DNM3: variants seen among roughly 807,000 people sequenced by gnomAD.
The protein encoded by DNM3 is dynamin-3.
Under a neutral mutation model 101.6 loss-of-function variants are expected in DNM3, and 47 were observed. That is an observed-to-expected ratio of 0.46 (90% CI 0.37 to 0.59). The LOEUF (loss-of-function observed/expected upper bound fraction) is 0.59, where lower values mean the gene tolerates loss of function less well. Among genes scored for constraint, DNM3 ranks in the 20% least tolerant of loss-of-function variants. The pLI is 0.00. For synonymous variants in DNM3, 385 were observed against 387.9 expected (o/e 0.99, Z 0.09); for missense variants, 849 against 1,085.7 (o/e 0.78, Z 3.06).
At chr1:171,929,294 C>G (rs1350025806) in intron 2 of DNM3, among the ~76,000 whole-genome samples, 1 of 152,064 alleles carries the variant, frequency 6.6e-6, no homozygotes, top group Non-Finnish European at 1.5e-5. Flanking sequence ...GTGGGGATAG[C>G]TAGAGACCCT....
chr1:172,083,591 A>G (rs1572432685), intron 12 of DNM3, among the ~76,000 whole-genome samples: 1 of 152,348 alleles, frequency 6.6e-6, no homozygotes, highest in East Asian at 1.9e-4. Flanking sequence ...TACCACAATT[A>G]GAGGGGGAAA....
chr1:171,930,877 C>T (rs577033766), intron 2 of DNM3, among the ~76,000 whole-genome samples: 1 of 152,202 alleles, frequency 6.6e-6, no homozygotes, highest in South Asian at 2.1e-4. Context: ...AATTGTATTT[C>T]TATACATTTG....
At chr1:172,337,752 G>A (rs2066491441) in intron 17 of DNM3, among the ~76,000 whole-genome samples, 1 of 152,030 alleles carries the variant, frequency 6.6e-6, no homozygotes, top group South Asian at 2.1e-4. Context: ...ATCAGACATA[G>A]CCAAGTTGCT....
intron 14 of DNM3, among the ~76,000 whole-genome samples, chr1:172,146,895 T>G (rs1368386606): frequency 1.3e-5 from 2 of 152,162 alleles, no homozygotes; most frequent in Non-Finnish European, 2.9e-5. Context: ...TACATCTATA[T>G]GCCCTCAAAT....
chr1:171,901,748 G>A (rs969696630), intron 1 of DNM3, among the ~76,000 whole-genome samples: 3 of 152,036 alleles, frequency 2.0e-5, no homozygotes, highest in African/African-American at 7.2e-5. Context: ...TTAAATACTC[G>A]GTATACTATG....
At chr1:172,326,643 TTTTAA>T (rs1291189063) in intron 17 of DNM3, among the ~76,000 whole-genome samples, 2 of 152,120 alleles carry the variant, frequency 1.3e-5, no homozygotes, top group Non-Finnish European at 2.9e-5. Context: ...TTTCATAGAC[TTTTAA>T]TTTAATTTTT....
intron 14 of DNM3, among the ~76,000 whole-genome samples, chr1:172,147,993 C>A (rs1463175289): frequency 6.6e-6 from 1 of 151,866 alleles, no homozygotes; most frequent in African/African-American, 2.4e-5. Flanking sequence ...TATTATCATC[C>A]CCATTTTATT....
chr1:172,226,453 A>G (rs2061125423), intron 14 of DNM3, among the ~76,000 whole-genome samples: 1 of 152,198 alleles, frequency 6.6e-6, no homozygotes, highest in Non-Finnish European at 1.5e-5. Context: ...ATATTGTACT[A>G]GCTCTTTTCT....
intron 17 of DNM3, among the ~76,000 whole-genome samples, chr1:172,361,112 A>G (rs1306360511): frequency 6.6e-6 from 1 of 152,022 alleles, no homozygotes; most frequent in Admixed American, 6.6e-5. Context: ...GGTCTGGCCC[A>G]CTATGGGATT....
intron 20 of DNM3, among the ~76,000 whole-genome samples, chr1:172,403,137 T>C (rs142254077): frequency 6.9e-4 from 105 of 152,260 alleles, no homozygotes; most frequent in Admixed American, 1.6e-3. Context: ...AATTCTGCAC[T>C]GAAAGTCATG....
chr1:172,171,494 C>T (rs1232648590), intron 14 of DNM3, among the ~76,000 whole-genome samples: 1 of 151,680 alleles, frequency 6.6e-6, no homozygotes, highest in Non-Finnish European at 1.5e-5. Flanking sequence ...GGTATGACTG[C>T]ACCTACCTAT....
intron 2 of DNM3, among the ~76,000 whole-genome samples, chr1:171,922,792 C>A (rs1008539227): frequency 7.9e-5 from 12 of 152,316 alleles, no homozygotes; most frequent in African/African-American, 2.9e-4. Flanking sequence ...TGAATAGAAT[C>A]ATTTAATATG....
chr1:171,911,756 G>A (rs1266234720), intron 1 of DNM3, among the ~76,000 whole-genome samples: 1 of 152,146 alleles, frequency 6.6e-6, no homozygotes, highest in Non-Finnish European at 1.5e-5. Context: ...TAGCAGGGGA[G>A]GGGTTGACGT....
intron 2 of DNM3, among the ~76,000 whole-genome samples, chr1:171,968,969 T>A (rs895157573): frequency 6.6e-6 from 1 of 152,202 alleles, no homozygotes; most frequent in Non-Finnish European, 1.5e-5. Flanking sequence ...CTGCCTTCAA[T>A]TGGCTTATTT....
intron 2 of DNM3, among the ~76,000 whole-genome samples, chr1:171,944,561 G>T (rs1331412951): frequency 6.6e-6 from 1 of 151,760 alleles, no homozygotes; most frequent in African/African-American, 2.4e-5. Context: ...TTTTGGTAGA[G>T]ACAGAGTTTC....
chr1:172,146,115 C>T (rs2057882599), intron 14 of DNM3, among the ~76,000 whole-genome samples: 1 of 152,184 alleles, frequency 6.6e-6, no homozygotes, highest in Admixed American at 6.5e-5. Flanking sequence ...GACTAAGAAA[C>T]TTAGCCTTCT....
At chr1:172,278,245 T>C (rs1309081425) in intron 15 of DNM3, among the ~76,000 whole-genome samples, 2 of 152,134 alleles carry the variant, frequency 1.3e-5, no homozygotes, top group Non-Finnish European at 2.9e-5. Flanking sequence ...TCAAGTATTT[T>C]CTTACTTTAC....
At chr1:172,284,285 G>T (rs2063611326) in intron 15 of DNM3, among the ~76,000 whole-genome samples, 1 of 152,098 alleles carries the variant, frequency 6.6e-6, no homozygotes, top group Admixed American at 6.5e-5. Flanking sequence ...TTGAGTAATT[G>T]TTAAAATGAT....
chr1:172,120,597 T>C (rs1280877800), intron 13 of DNM3, among the ~76,000 whole-genome samples: 2 of 152,198 alleles, frequency 1.3e-5, no homozygotes, highest in Non-Finnish European at 2.9e-5. Context: ...TTGCTTTAGG[T>C]AGAGTGGCCA....
Sources: allele counts gnomAD v4.1 joint callset (sites outside exome capture counted in the v4.1 genomes callset), GRCh38; gene constraint gnomAD v4.1.1; transcripts MANE v1.5; gene names NCBI Gene and HGNC (gene_info 2026-07-23, HGNC 2026-07-21).